The following ZNF347 variants were observed in gnomAD, a reference collection of about 807,000 sequenced individuals.
ZNF347 encodes the protein CTD-2620I22.7.
In ZNF347, 19 loss-of-function variants were observed where a neutral mutation model predicts 12.9. The ratio of observed to expected loss-of-function variants is 1.47; its 90% confidence interval spans 1.03 to 2.16. The LOEUF (loss-of-function observed/expected upper bound fraction) is 2.16. Ranked by LOEUF, ZNF347 falls within the 30% of genes most tolerant of loss-of-function variation. The probability of loss-of-function intolerance (pLI) is 0.00; values close to 1 mark genes in which losing one functional copy is unlikely to be tolerated. For missense variants in ZNF347, 1,005 were observed against 990.6 expected (o/e 1.01, Z -0.19); for synonymous variants, 328 against 340.6 (o/e 0.96, Z 0.41).
chr19:53,140,991 A>G lies in ZNF347; in HGVS notation c.1837T>C (p.Ser613Pro). The G allele has an allele frequency of 6.2e-7, 1 of 1,611,156 alleles. No individual in the cohort carries two copies. Among genetic ancestry groups the G allele is most frequent in the South Asian group, 1.1e-5 (1 of 90,920 alleles). Residue 613 changes from serine (S) to proline (P), a missense_variant, in exon 5 of 5, where the codon TCA becomes CCA. Physicochemically the swap from Ser to Pro is moderately conservative, Grantham distance 74. Transcript: ENST00000334197. ...GKVFRHNSYL[S>P]RHQRIHTGEK... ...CCAGTATGAATTCGCTGATGCCTTG[A>G]AAGGTATGAATTATGCCTAAAGACC...
intron 2 of ZNF347, among the ~76,000 whole-genome samples, chr19:53,151,302 G>C (rs1386371891): frequency 2.0e-5 from 3 of 152,044 alleles, no homozygotes; most frequent in Non-Finnish European, 4.4e-5. Flanking sequence ...TTGGAAGGTC[G>C]AGGCAGGCAG....
chr19:53,149,850 C>T (rs1248479491), intron 2 of ZNF347, among the ~76,000 whole-genome samples: 1 of 152,064 alleles, frequency 6.6e-6, no homozygotes, highest in Non-Finnish European at 1.5e-5. Context: ...CCCCACCGAC[C>T]CCCACCAAAG....
chr19:53,136,579 GAAAAA>G lies in ZNF347; in HGVS notation c.*3724_*3728del, dbSNP rs59436544. ...GAGACCCCACGTCTAAAAAGAAAAAGAAAAAAAAAAAGAAAAGAAGCTATGGAGAA... is the reference window on the plus strand; with the variant it reads ...GAGACCCCACGTCTAAAAAGAAAAAGAAAAAAGAAAAGAAGCTATGGAGAA... On this transcript the variant is annotated 3_prime_UTR_variant, in exon 5 of 5. Transcript: ENST00000334197. The G allele has an allele frequency of 1.5e-5, 2 of 133,688 alleles. No homozygotes were observed. Among genetic ancestry groups the G allele is most frequent in the Admixed American group, 1.5e-4 (2 of 13,642 alleles). The allele number at this position is 133,688 out of a possible 1,614,324, so 8.3% of individuals were successfully genotyped here.
rs1174400976 is a variant in ZNF347, at chr19:53,141,465, T to C, written c.1363A>G (p.Lys455Glu). ...AIHLVIHTGE[K>E]PYKCHECGKV... ...CCGCATTCATGACATTTGTAAGGCT[T>C]TTCTCCGGTGTGAATTACCAGATGA... Residue 455 changes from lysine (K) to glutamate (E), a missense_variant, in exon 5 of 5, where the codon AAG becomes GAG. Lys to Glu is a moderately conservative substitution (Grantham distance 56). Coordinates refer to ENST00000334197, the MANE Select transcript of ZNF347 (RefSeq NM_032584.3). 3.7e-6 allele frequency: 6 copies of C among 1,613,888 alleles called. 1 individual carries two copies. Among genetic ancestry groups the C allele is most frequent in the South Asian group, 3.3e-5 (3 of 91,078 alleles).
At position 53,149,236 on chromosome 19, in the gene ZNF347, C is replaced by G; in HGVS notation, c.142+5G>C. 6.2e-7 allele frequency: 1 copy of G among 1,611,018 alleles called. No individual in the cohort carries two copies. The highest frequency in any genetic ancestry group is 8.5e-7 in the Non-Finnish European group (1 of 1,179,102). On this transcript the variant is annotated splice_donor_5th_base_variant and intron_variant, in intron 3 of 4. Transcript: ENST00000334197. ...TCCTGACTTCTGGAAGAAAGTCATC[C>G]TCACCCAGGGAGGCCAGGTTCCTAT...
intron 2 of ZNF347, chr19:53,149,595 G>T: frequency 1.3e-6 from 1 of 769,896 alleles, no homozygotes; most frequent in Non-Finnish European, 1.8e-6. Context: ...GTGGCTGGAG[G>T]CCCCAAGATA....
At chr19:53,152,007 C>G (rs183869300) in intron 2 of ZNF347, among the ~76,000 whole-genome samples, 4,500 of 139,354 alleles carry the variant, frequency 0.032, 126 homozygotes, top group Non-Finnish European at 0.039. Flanking sequence ...GCAGGAGAAT[C>G]GCTTGAACCC....
chr19:53,156,797 C>CG (rs1441727098), intron 1 of ZNF347, among the ~76,000 whole-genome samples: 28 of 152,070 alleles, frequency 1.8e-4, no homozygotes, highest in African/African-American at 4.8e-4. Context: ...GCACCTGATG[C>CG]GGGGGCAATT....
At position 53,135,339 on chromosome 19, in the gene ZNF347, T is replaced by TATATAGAG. The variant is rs2090381896; in HGVS notation, c.*4968_*4969insCTCTATAT. ...ATATATATATATATATATATATATA[T>TATATAGAG]AGAGAGAGAGAGAGAGAGAGAGAGA... On this transcript the variant is annotated 3_prime_UTR_variant, in exon 5 of 5. Coordinates refer to ENST00000334197, the MANE Select transcript of ZNF347 (RefSeq NM_032584.3). The TATATAGAG allele has an allele frequency of 2.3e-5, 2 of 85,254 alleles. No homozygotes were observed. Among genetic ancestry groups the TATATAGAG allele is most frequent in the African/African-American group, 5.8e-5 (1 of 17,158 alleles). The allele number at this position is 85,254 out of a possible 1,614,324, so 5.3% of individuals were successfully genotyped here.
intron 1 of ZNF347, among the ~76,000 whole-genome samples, chr19:53,156,617 A>C (rs2090537583): frequency 6.6e-6 from 1 of 152,132 alleles, no homozygotes; most frequent in East Asian, 1.9e-4. Context: ...ATCTTCTGTA[A>C]TATCCTTCAT....
intron 4 of ZNF347, among the ~76,000 whole-genome samples, chr19:53,146,100 C>T (rs865983852): frequency 3.3e-5 from 5 of 151,952 alleles, no homozygotes; most frequent in African/African-American, 9.7e-5. Flanking sequence ...CTCAGCCTCC[C>T]GAGTAGCTGG....
In ZNF347 at chr19:53,142,078, C is replaced by T. The variant is rs1460470649; in HGVS notation, c.750G>A (p.Gln250=). 1 of 1,612,486 alleles carries T rather than the reference C, an allele frequency of 6.2e-7. No homozygotes were observed. Among genetic ancestry groups the T allele is most frequent in the Non-Finnish European group, 8.5e-7 (1 of 1,179,614 alleles). Residue 250 remains glutamine (Q), a synonymous_variant, in exon 5 of 5, where the codon CAG becomes CAA. Coordinates refer to ENST00000334197, the MANE Select transcript of ZNF347 (RefSeq NM_032584.3). ...KDFISSLLLT[Q]GQKANNWGSP... ...TTCCCCAATTATTTGCTTTTTGCCC[C>T]TGTGTGAGTAATAAAGAAGAGATAA...
rs1230434461 is a variant in ZNF347, at chr19:53,139,562, G to A, written c.*746C>T. The A allele has an allele frequency of 6.6e-6, 1 of 152,162 alleles. No homozygotes were observed. Among genetic ancestry groups the A allele is most frequent in the Non-Finnish European group, 1.5e-5 (1 of 68,018 alleles). The allele number at this position is 152,162 out of a possible 1,614,324, so 9.4% of individuals were successfully genotyped here. A position where few individuals can be genotyped will look rare whatever the true frequency, so the allele number is the denominator to read the frequency against. On this transcript the variant is annotated 3_prime_UTR_variant, in exon 5 of 5. Coordinates refer to ENST00000334197, the MANE Select transcript of ZNF347 (RefSeq NM_032584.3). ...AAGTAGCCATTTCCAAATGTCCTTT[G>A]ACCTTTGAAATATATAATGTCTTAA...
Position 53,141,507 on chromosome 19 carries a change from G to C in ZNF347, c.1321C>G (p.Arg441Gly), listed in dbSNP as rs187812061. 6.2e-7 allele frequency: 1 copy of C among 1,611,740 alleles called. No homozygotes were observed. The highest frequency in any genetic ancestry group is 2.2e-5 in the East Asian group (1 of 44,650). Residue 441 changes from arginine (R) to glycine (G), a missense_variant, in exon 5 of 5, where the codon CGT (arginine) becomes GGT (glycine). Physicochemically the swap from Arg to Gly is moderately radical, Grantham distance 125. Coordinates refer to ENST00000334197, the MANE Select transcript of ZNF347 (RefSeq NM_032584.3). ...CNECGKAFGV[R>G]SSLAIHLVIH... Reference sequence around the variant, plus strand: ...ACCAGATGAATAGCTAGGCTTGAACGAACACCAAAGGCTTTGCCGCACTCA... The same window carrying C: ...ACCAGATGAATAGCTAGGCTTGAACCAACACCAAAGGCTTTGCCGCACTCA...
intron 1 of ZNF347, among the ~76,000 whole-genome samples, chr19:53,154,477 T>G (rs2146814693): frequency 6.6e-6 from 1 of 151,918 alleles, no homozygotes; most frequent in Middle Eastern, 3.4e-3. Flanking sequence ...GCTGAGTTGA[T>G]AAGGAAAGGC....
At position 53,135,335 on chromosome 19, in the gene ZNF347, T is replaced by TAGAGAGAGAGAG. The variant is rs2090381414; in HGVS notation, c.*4972_*4973insCTCTCTCTCTCT. On this transcript the variant is annotated 3_prime_UTR_variant, in exon 5 of 5. Coordinates refer to ENST00000334197, the MANE Select transcript of ZNF347 (RefSeq NM_032584.3). ...ATATATATATATATATATATATATA[T>TAGAGAGAGAGAG]ATATAGAGAGAGAGAGAGAGAGAGA... The TAGAGAGAGAGAG allele has an allele frequency of 1.3e-5, 1 of 79,320 alleles. No homozygotes were observed. The highest frequency in any genetic ancestry group is 5.9e-5 in the African/African-American group (1 of 16,928). The allele number at this position is 79,320 out of a possible 1,614,324, so 4.9% of individuals were successfully genotyped here.
intron 3 of ZNF347, 101 bp from the exon 4 acceptor site, chr19:53,148,910 A>C: frequency 6.9e-7 from 1 of 1,450,828 alleles, no homozygotes; most frequent in Non-Finnish European, 9.2e-7. Context: ...TATCTAAAAA[A>C]ACACTTCAAA....
In ZNF347 at chr19:53,135,327, TATATATATATATAGAG is replaced by T. The variant is rs1247260571; in HGVS notation, c.*4965_*4980del. Reference sequence around the variant, plus strand: ...ATATATATATATATATATATATATATATATATATATATAGAGAGAGAGAGAGAGAGAGAGAGAGAGA... The same window carrying T: ...ATATATATATATATATATATATATATAGAGAGAGAGAGAGAGAGAGAGAGA... On this transcript the variant is annotated 3_prime_UTR_variant, in exon 5 of 5. Coordinates refer to ENST00000334197, the MANE Select transcript of ZNF347 (RefSeq NM_032584.3). 722 of 42,430 alleles carry T rather than the reference TATATATATATATAGAG, an allele frequency of 0.017. 1 individual carries two copies. Among genetic ancestry groups the T allele is most frequent in the South Asian group, 0.046 (65 of 1,406 alleles). 2.6% of individuals were successfully genotyped at this position (42,430 alleles called of 1,614,324 possible).
At chr19:53,157,046 A>C (rs2090540372) in intron 1 of ZNF347, among the ~76,000 whole-genome samples, 1 of 151,952 alleles carries the variant, frequency 6.6e-6, no homozygotes, top group African/African-American at 2.4e-5. Flanking sequence ...TAGTTCATAC[A>C]CTCGCCCACA....
Sources: allele counts gnomAD v4.1 joint callset (sites outside exome capture counted in the v4.1 genomes callset), GRCh38; gene constraint gnomAD v4.1.1; transcripts MANE v1.5; gene names NCBI Gene and HGNC (gene_info 2026-07-23, HGNC 2026-07-21).